The following TACC2 variants were observed in gnomAD, a reference collection of about 807,000 sequenced individuals.
The protein encoded by TACC2 is transforming acidic coiled-coil containing protein 2, also known as transforming acidic coiled-coil-containing protein 2.
Under a neutral mutation model 227.3 loss-of-function variants are expected in TACC2, and 137 were observed. The ratio of observed to expected loss-of-function variants is 0.60; its 90% confidence interval spans 0.52 to 0.69. The LOEUF is 0.69. Ranked by LOEUF, TACC2 falls within the 30% of genes least tolerant of loss-of-function variation. The pLI is 0.00. For synonymous variants in TACC2, 1,523 were observed against 1,487.5 expected (o/e 1.02, Z -0.55); for missense variants, 3,470 against 3,694.4 (o/e 0.94, Z 1.57).
chr10:122,101,559 T>C (rs1158391319), intron 5 of TACC2, among the ~76,000 whole-genome samples: 2 of 133,262 alleles, frequency 1.5e-5, no homozygotes, highest in Non-Finnish European at 3.2e-5. Flanking sequence ...ATCTTTTTTT[T>C]TTTTTTTTTT....
rs753817518 is a variant in TACC2 at position 122,210,751 on chromosome 10, C to T, written c.6326C>T (p.Ala2109Val). 1.1e-5 allele frequency: 18 copies of T among 1,613,960 alleles called. No homozygotes were observed. In the South Asian group the frequency reaches 1.9e-4, roughly 17 times the overall value. Residue 2109 changes from alanine (A) to valine (V), a missense_variant, in exon 9 of 23, where the codon GCC becomes GTC. Ala to Val is a moderately conservative substitution (Grantham distance 64). Transcript: ENST00000369005. This position sits in a 1 kb window ranked among gnomAD's most constrained non-coding sequence, Gnocchi z 4.6. Reference sequence around the variant, plus strand: ...GGCAATCCCGAGGCCGTGGCCCTTGCCCCAGATGCATATAGCACGGGTTCC... The same window carrying T: ...GGCAATCCCGAGGCCGTGGCCCTTGTCCCAGATGCATATAGCACGGGTTCC... ...SSGNPEAVALAPDAYSTGSSS... is the reference protein window; with the variant it reads ...SSGNPEAVALVPDAYSTGSSS...
intron 6 of TACC2, 129 bp downstream of exon 6, chr10:122,132,863 C>T (rs1045616366): frequency 2.1e-6 from 2 of 947,224 alleles, no homozygotes; most frequent in East Asian, 5.3e-5. Context: ...TCTGCACACA[C>T]ACACAGGGTG....
At chr10:122,219,538 G>A (rs2095483124) in intron 11 of TACC2, among the ~76,000 whole-genome samples, 1 of 152,176 alleles carries the variant, frequency 6.6e-6, no homozygotes, top group Non-Finnish European at 1.5e-5. Context: ...GCTTAGTAAT[G>A]TCAGCTCAGC....
intron 6 of TACC2, among the ~76,000 whole-genome samples, chr10:122,134,371 T>G (rs562057021): frequency 2.5e-4 from 38 of 151,968 alleles, no homozygotes; most frequent in African/African-American, 8.7e-4. Flanking sequence ...AGAGATGGGA[T>G]TTTGCCATGT....
intron 11 of TACC2, among the ~76,000 whole-genome samples, chr10:122,218,491 G>C (rs2095457370): frequency 6.6e-6 from 1 of 152,242 alleles, no homozygotes; most frequent in East Asian, 1.9e-4. Flanking sequence ...TTGTGCCCAC[G>C]AGGTCTTGGA....
chr10:122,113,713 C>T (rs1250570141), intron 5 of TACC2, among the ~76,000 whole-genome samples: 1 of 152,266 alleles, frequency 6.6e-6, no homozygotes, highest in Non-Finnish European at 1.5e-5. Flanking sequence ...GTGGACTAGC[C>T]ATAAAACTCT....
chr10:122,154,337 T>G (rs1178708206), intron 7 of TACC2, among the ~76,000 whole-genome samples: 1 of 152,236 alleles, frequency 6.6e-6, no homozygotes, highest in Admixed American at 6.5e-5. Flanking sequence ...ACAGGTAGAT[T>G]CCGAGGCAGG....
intron 7 of TACC2, among the ~76,000 whole-genome samples, chr10:122,146,512 A>C (rs1247472727): frequency 6.6e-6 from 1 of 151,878 alleles, no homozygotes; most frequent in Non-Finnish European, 1.5e-5. Context: ...ATATCATGGG[A>C]GTGGGACTGG....
At chr10:122,170,702 A>G (rs1428138649) in intron 7 of TACC2, among the ~76,000 whole-genome samples, 1 of 152,042 alleles carries the variant, frequency 6.6e-6, no homozygotes, top group Non-Finnish European at 1.5e-5. Context: ...TCTGCTTCCC[A>G]TTGCTTTTAG....
At chr10:122,019,333 C>CT (rs1957061886) in intron 1 of TACC2, among the ~76,000 whole-genome samples, 2 of 152,174 alleles carry the variant, frequency 1.3e-5, no homozygotes, top group Non-Finnish European at 2.9e-5. Context: ...TTTGTTTTTT[C>CT]TTTTTGTATG....
chr10:122,033,277 C>A, intron 2 of TACC2: 1 of 511,748 alleles, frequency 2.0e-6, no homozygotes, highest in Non-Finnish European at 3.4e-6. Context: ...CTCCCTCTTC[C>A]ATTGCTTCTT....
rs1389693868 is a variant in TACC2, at chr10:122,083,311, C to A, written c.811C>A (p.Leu271Ile). 2 of 1,613,922 alleles carry A rather than the reference C, an allele frequency of 1.2e-6. No individual in the cohort carries two copies. The highest frequency in any genetic ancestry group is 8.5e-7 in the Non-Finnish European group (1 of 1,180,044). Residue 271 changes from leucine (L) to isoleucine (I), a missense_variant, in exon 4 of 23, where the codon CTA becomes ATA. By Grantham distance (5) the Leu-to-Ile change is conservative. Coordinates refer to ENST00000369005, the MANE Select transcript of TACC2 (RefSeq NM_206862.4). ...ESSAVLEKSP[L>I]KPMAPIPQDP... ...CTCAGCGGTCTTGGAGAAGTCCCCCCTAAAACCCATGGCCCCGATCCCACA... is the reference window on the plus strand; with the variant it reads ...CTCAGCGGTCTTGGAGAAGTCCCCCATAAAACCCATGGCCCCGATCCCACA...
chr10:122,234,821 A>C (rs752812089), intron 16 of TACC2, among the ~76,000 whole-genome samples: 1 of 152,154 alleles, frequency 6.6e-6, no homozygotes, highest in East Asian at 1.9e-4. Context: ...TCTGCCCACT[A>C]TGATAAAGTT....
At chr10:122,129,064 ATT>A (rs2087499677) in intron 5 of TACC2, among the ~76,000 whole-genome samples, 1 of 100,018 alleles carries the variant, frequency 1.0e-5, no homozygotes, top group African/African-American at 6.8e-5. Flanking sequence ...TATTTTAATT[ATT>A]ATTATTATTA....
chr10:122,031,829 C>T (rs990276265), intron 2 of TACC2, among the ~76,000 whole-genome samples: 13 of 152,276 alleles, frequency 8.5e-5, no homozygotes, highest in East Asian at 3.9e-4. Flanking sequence ...CTCAGCCTCC[C>T]GAGTAGCTGG....
chr10:121,997,858 C>T (rs1240865951), intron 1 of TACC2, among the ~76,000 whole-genome samples: 31 of 152,088 alleles, frequency 2.0e-4, no homozygotes, highest in African/African-American at 2.4e-5. Context: ...GATGCGATCC[C>T]GATCCAATGC....
intron 2 of TACC2, among the ~76,000 whole-genome samples, chr10:122,025,659 C>T (rs980324979): frequency 2.7e-5 from 4 of 149,284 alleles, no homozygotes; most frequent in African/African-American, 7.4e-5. Flanking sequence ...CTGCAACCTC[C>T]GCCTCCCAGG....
intron 7 of TACC2, among the ~76,000 whole-genome samples, chr10:122,144,094 G>A (rs2091058035): frequency 6.6e-6 from 1 of 152,176 alleles, no homozygotes; most frequent in African/African-American, 2.4e-5. Context: ...ATAATGCAGG[G>A]CAGGCTGGAG....
chr10:122,054,608 G>A (rs564246201), intron 3 of TACC2, among the ~76,000 whole-genome samples: 1 of 152,254 alleles, frequency 6.6e-6, no homozygotes, highest in Admixed American at 6.5e-5. Context: ...AAAAATTGTT[G>A]GTCATTGGCC....
Sources: allele counts gnomAD v4.1 joint callset (sites outside exome capture counted in the v4.1 genomes callset), GRCh38; gene constraint gnomAD v4.1.1; non-coding constraint Gnocchi (gnomAD v3.1); transcripts MANE v1.5; gene names NCBI Gene and HGNC (gene_info 2026-07-23, HGNC 2026-07-21).